SLC35F4: variants seen among roughly 807,000 people sequenced by gnomAD.
SLC35F4 encodes the protein chromosome 14 open reading frame 36.
SLC35F4 carries 24 observed loss-of-function variants against 44.2 expected under a neutral mutation model. The observed-to-expected ratio is 0.54, with a 90% CI of 0.39 to 0.76. The LOEUF (loss-of-function observed/expected upper bound fraction) is 0.76. SLC35F4 is among the 30% of genes least tolerant of loss of function. The probability of loss-of-function intolerance (pLI) is 0.00; values close to 1 mark genes in which losing one functional copy is unlikely to be tolerated. For synonymous variants in SLC35F4, 238 were observed against 223.6 expected (o/e 1.06, Z -0.57); for missense variants, 562 against 586.1 (o/e 0.96, Z 0.42).
chr14:57,721,946 G>C (rs2076095741), intron 1 of SLC35F4, among the ~76,000 whole-genome samples: 1 of 151,468 alleles, frequency 6.6e-6, no homozygotes, highest in African/African-American at 2.4e-5. Context: ...TCTTGCCTGT[G>C]ATGGCCACCC....
chr14:57,847,197 T>A (rs1261281595), intron 1 of SLC35F4, among the ~76,000 whole-genome samples: 1 of 152,224 alleles, frequency 6.6e-6, no homozygotes, highest in Admixed American at 6.5e-5. Context: ...TAGACCCTTG[T>A]TCATAGTTTT....
rs967224133 is a variant in SLC35F4, at chr14:57,866,042, C to A, written c.-217G>T. The A allele has an allele frequency of 2.7e-5, 8 of 300,872 alleles. No homozygotes were observed. The highest frequency in any genetic ancestry group is 1.1e-4 in the Admixed American group (2 of 18,440). The allele number at this position is 300,872 out of a possible 1,614,324, so 18.6% of individuals were successfully genotyped here. A position where few individuals can be genotyped will look rare whatever the true frequency, so the allele number is the denominator to read the frequency against. ...CGGCCCCCACTCGGGCCGGCCTCTCCGTCAGCCTGGCAGCTCTCCCGCGCG... is the reference window on the plus strand; with the variant it reads ...CGGCCCCCACTCGGGCCGGCCTCTCAGTCAGCCTGGCAGCTCTCCCGCGCG... On this transcript the variant is annotated 5_prime_UTR_variant, in exon 1 of 8. Transcript: ENST00000556826.
intron 1 of SLC35F4, among the ~76,000 whole-genome samples, chr14:57,665,285 G>A (rs930477475): frequency 2.6e-5 from 4 of 152,088 alleles, no homozygotes; most frequent in Non-Finnish European, 5.9e-5. Flanking sequence ...TGAGGCCTGG[G>A]TGACATGCAC....
At chr14:57,740,453 G>A (rs1457742603) in intron 1 of SLC35F4, among the ~76,000 whole-genome samples, 1 of 152,166 alleles carries the variant, frequency 6.6e-6, no homozygotes, top group Admixed American at 6.5e-5. Context: ...AATTCTCAAT[G>A]AATTCTTGTT....
chr14:57,900,510 C>T (rs1212914227), intron 1 of SLC35F4, among the ~76,000 whole-genome samples: 1 of 152,194 alleles, frequency 6.6e-6, no homozygotes, highest in East Asian at 1.9e-4. Flanking sequence ...AGAAGAGAGA[C>T]TCCATATTGG....
At chr14:57,886,613 A>T (rs1888652053) in intron 1 of SLC35F4, among the ~76,000 whole-genome samples, 3 of 152,192 alleles carry the variant, frequency 2.0e-5, no homozygotes. Flanking sequence ...CTGGTAAAGG[A>T]GTTCCCCTGA....
chr14:57,583,348 C>T (rs2069437182), intron 3 of SLC35F4, among the ~76,000 whole-genome samples: 1 of 114,630 alleles, frequency 8.7e-6, no homozygotes, highest in South Asian at 3.0e-4. Context: ...GGGTTTATCC[C>T]ATCATTTACA....
chr14:57,854,249 G>C (rs1401649635), intron 1 of SLC35F4, among the ~76,000 whole-genome samples: 4 of 152,014 alleles, frequency 2.6e-5, no homozygotes, highest in Non-Finnish European at 4.4e-5. Context: ...ACTTGTGTTA[G>C]GGTAACAAGA....
At chr14:57,917,204 G>A (rs994900204) in intron 1 of SLC35F4, among the ~76,000 whole-genome samples, 13 of 152,048 alleles carry the variant, frequency 8.5e-5, no homozygotes, top group Non-Finnish European at 1.6e-4. Flanking sequence ...GGGATTACAG[G>A]TGCACACCAC....
At chr14:57,913,065 G>A (rs1218166966) in intron 1 of SLC35F4, among the ~76,000 whole-genome samples, 1 of 151,832 alleles carries the variant, frequency 6.6e-6, no homozygotes, top group Non-Finnish European at 1.5e-5. Flanking sequence ...TTTGTTCTGT[G>A]GAAAATTAAT....
chr14:57,741,171 G>A (rs1048784126), intron 1 of SLC35F4, among the ~76,000 whole-genome samples: 24 of 152,172 alleles, frequency 1.6e-4, no homozygotes, highest in East Asian at 3.8e-4. Flanking sequence ...AAATCAGAGC[G>A]CCTCTTCTCC....
At chr14:57,639,181 T>C (rs142231618) in intron 1 of SLC35F4, among the ~76,000 whole-genome samples, 129 of 152,176 alleles carry the variant, frequency 8.5e-4, no homozygotes, top group African/African-American at 3.0e-3. Context: ...TTAGCTAAGT[T>C]AGATTAAGTC....
chr14:57,670,878 G>T (rs2074493688), intron 1 of SLC35F4, among the ~76,000 whole-genome samples: 2 of 150,544 alleles, frequency 1.3e-5, no homozygotes, highest in African/African-American at 4.9e-5. Flanking sequence ...GAGGACACTG[G>T]AGCTTCTTGG....
chr14:57,630,286 C>G, intron 1 of SLC35F4: 1 of 563,964 alleles, frequency 1.8e-6, no homozygotes, highest in Non-Finnish European at 3.4e-6. Context: ...AGAAGGAGAT[C>G]AAGAAGGCTG....
chr14:57,732,566 A>G (rs2076367619), intron 1 of SLC35F4, among the ~76,000 whole-genome samples: 1 of 152,166 alleles, frequency 6.6e-6, no homozygotes, highest in South Asian at 2.1e-4. Flanking sequence ...AACTCTTTGC[A>G]ACCAGAAGTT....
chr14:57,767,618 C>A (rs576896250), intron 1 of SLC35F4, among the ~76,000 whole-genome samples: 1 of 151,020 alleles, frequency 6.6e-6, no homozygotes, highest in African/African-American at 2.4e-5. Context: ...AACCAAGAAA[C>A]TAGAAAAGGA....
chr14:57,869,809 A>C (rs1490514608), upstream of SLC35F4, among the ~76,000 whole-genome samples: 2 of 152,248 alleles, frequency 1.3e-5, no homozygotes, highest in Non-Finnish European at 2.9e-5. Context: ...CATGCTCTTA[A>C]TATTCCATTT....
chr14:57,909,344 A>G (rs963863760), intron 1 of SLC35F4, among the ~76,000 whole-genome samples: 1 of 152,034 alleles, frequency 6.6e-6, no homozygotes, highest in Non-Finnish European at 1.5e-5. Context: ...ATTCTATGGG[A>G]TTTGATAAAT....
chr14:57,857,643 C>G (rs1190728059), intron 1 of SLC35F4, among the ~76,000 whole-genome samples: 2 of 152,036 alleles, frequency 1.3e-5, no homozygotes, highest in Admixed American at 1.3e-4. Context: ...TCCCCAAGCT[C>G]TATGGGTGAG....
Sources: allele counts gnomAD v4.1 joint callset (sites outside exome capture counted in the v4.1 genomes callset), GRCh38; gene constraint gnomAD v4.1.1; transcripts MANE v1.5; gene names NCBI Gene and HGNC (gene_info 2026-07-23, HGNC 2026-07-21).